The following KIAA0232 variants were observed in gnomAD, a reference collection of about 807,000 sequenced individuals.
KIAA0232 encodes uncharacterized protein KIAA0232.
In KIAA0232, 27 loss-of-function variants were observed where a neutral mutation model predicts 122.0. The ratio of observed to expected loss-of-function variants is 0.22; its 90% confidence interval spans 0.16 to 0.31. The LOEUF (loss-of-function observed/expected upper bound fraction) is 0.31, where lower values mean the gene tolerates loss of function less well. KIAA0232 is among the 10% of genes least tolerant of loss of function. The pLI, the probability that KIAA0232 is intolerant of heterozygous loss-of-function variation, is 1.00. For synonymous variants in KIAA0232, 613 were observed against 587.6 expected (o/e 1.04, Z -0.63); for missense variants, 1,551 against 1,634.2 (o/e 0.95, Z 0.88).
chr4:6,870,986 C>T (rs16839417), intron 7 of KIAA0232, among the ~76,000 whole-genome samples: 2,994 of 152,190 alleles, frequency 0.02, 111 homozygotes, highest in African/African-American at 0.069. Flanking sequence ...TGCTTGGGAG[C>T]GTTTTTATTA....
intron 3 of KIAA0232, among the ~76,000 whole-genome samples, chr4:6,827,866 A>C (rs989990665): frequency 1.3e-5 from 2 of 152,146 alleles, no homozygotes; most frequent in African/African-American, 4.8e-5. Context: ...TATTTCCATA[A>C]ATGTTTCTTC....
chr4:6,873,051 G>A (rs1472290403), intron 8 of KIAA0232, among the ~76,000 whole-genome samples: 1 of 152,200 alleles, frequency 6.6e-6, no homozygotes, highest in Non-Finnish European at 1.5e-5. Context: ...AGCGTTTATT[G>A]AAGGCCCGTT....
At chr4:6,826,244 T>G (rs750091775) in intron 3 of KIAA0232, among the ~76,000 whole-genome samples, 3 of 152,214 alleles carry the variant, frequency 2.0e-5, no homozygotes, top group Admixed American at 1.3e-4. Context: ...TGGCATTAGG[T>G]CAAGTAAGGT....
Position 6,861,567 on chromosome 4 carries a change from G to A in KIAA0232, c.1185G>A (p.Glu395=), listed in dbSNP as rs767865528. 36 of 1,613,944 alleles carry A rather than the reference G, an allele frequency of 2.2e-5. No homozygotes were observed. The highest frequency in any genetic ancestry group is 2.7e-5 in the Non-Finnish European group (32 of 1,180,044). The change falls in exon 7 of 10, where the codon GAG becomes GAA. Residue 395 remains glutamate, a synonymous_variant. Coordinates refer to ENST00000307659, the MANE Select transcript of KIAA0232 (RefSeq NM_014743.3). ...ACATGGAGAATAGAAAGGACACAGA[G>A]TATAAAGAGGAGCCCTTGTGGTACA... The part of the protein sequence containing the change: ...DLYMENRKDT[E]YKEEPLWYTE...
chr4:6,871,727 T>G (rs767105109), intron 8 of KIAA0232, 45 bp downstream of exon 8: 1 of 1,157,828 alleles, frequency 8.6e-7, no homozygotes, highest in Non-Finnish European at 1.3e-6. Flanking sequence ...CAATTTGTAA[T>G]TTGTTAAGAG....
At chr4:6,789,381 C>T (rs1434287464) in intron 1 of KIAA0232, among the ~76,000 whole-genome samples, 1 of 150,904 alleles carries the variant, frequency 6.6e-6, no homozygotes, top group East Asian at 1.9e-4. Context: ...TCAAGTGATT[C>T]TCCTGCCTCA....
chr4:6,820,533 C>T (rs1049388925), intron 2 of KIAA0232, among the ~76,000 whole-genome samples: 2 of 152,052 alleles, frequency 1.3e-5, no homozygotes. Context: ...TAGAATTTGT[C>T]TTCAAATGAT....
rs1720520498 is a variant in KIAA0232, at chr4:6,855,431, A to C, written c.370-1733A>C. 6.6e-6 allele frequency among the ~76,000 whole-genome samples: 1 copy of C among 152,160 alleles called. No homozygotes were observed. Among genetic ancestry groups the C allele is most frequent in the South Asian group, 2.1e-4 (1 of 4,830 alleles). On this transcript the variant is annotated intron_variant, in intron 4 of 9. Coordinates refer to ENST00000307659, the MANE Select transcript of KIAA0232 (RefSeq NM_014743.3). This position sits in a 1 kb window ranked among gnomAD's most constrained non-coding sequence, Gnocchi z 4.3. ...ATAAGATGCTACAGGTAGTCAAGAA[A>C]AGAACAGAAAAACCTGGTTGGTAGA...
At chr4:6,783,898 T>G (rs1716487849) in intron 1 of KIAA0232, among the ~76,000 whole-genome samples, 1 of 152,170 alleles carries the variant, frequency 6.6e-6, no homozygotes, top group Non-Finnish European at 1.5e-5. Context: ...GCTCTCTGCT[T>G]CTTCCCGCTG....
rs376360815 is a variant in KIAA0232, at chr4:6,818,573, C to T, written c.-269-5612C>T. ...AGAAGGACGATAAAATCATGGATAA[C>T]ACAAACTAATGGAAAAATATTTCAT... On this transcript the variant is annotated intron_variant, in intron 2 of 9. Transcript: ENST00000307659. Among the ~76,000 whole-genome samples the T allele has an allele frequency of 7.2e-5, 11 of 151,938 alleles. No individual in the cohort carries two copies. In the South Asian group the frequency reaches 1.0e-3, roughly 14 times the overall value.
At chr4:6,878,117 G>C (rs1252654648) in intron 9 of KIAA0232, among the ~76,000 whole-genome samples, 1 of 152,190 alleles carries the variant, frequency 6.6e-6, no homozygotes, top group African/African-American at 2.4e-5. Context: ...GCTCACGCTT[G>C]TAATCCCATC....
intron 2 of KIAA0232, among the ~76,000 whole-genome samples, chr4:6,820,929 A>T (rs911697946): frequency 6.6e-6 from 1 of 152,208 alleles, no homozygotes; most frequent in Non-Finnish European, 1.5e-5. Context: ...AAAGCATCAC[A>T]TGATGGGGAG....
chr4:6,824,930 A>G (rs1191992500), intron 3 of KIAA0232, among the ~76,000 whole-genome samples: 3 of 152,222 alleles, frequency 2.0e-5, no homozygotes, highest in Non-Finnish European at 4.4e-5. Context: ...GTTTTGGCAT[A>G]GACTCCAGAT....
chr4:6,808,477 C>T (rs1198903384), intron 2 of KIAA0232, among the ~76,000 whole-genome samples: 1 of 147,198 alleles, frequency 6.8e-6, no homozygotes, highest in Non-Finnish European at 1.5e-5. Context: ...AAGTACCATA[C>T]TAGATCAAAG....
chr4:6,879,067 A>G (rs1223642604), intron 9 of KIAA0232, among the ~76,000 whole-genome samples: 2 of 151,970 alleles, frequency 1.3e-5, no homozygotes, highest in East Asian at 3.9e-4. Context: ...GCCACTTCGC[A>G]TCTCCCACTT....
In KIAA0232 at chr4:6,861,207, C is replaced by A; in HGVS notation, c.825C>A (p.Ile275=). Residue 275 remains isoleucine (I), a synonymous_variant, in exon 7 of 10, where the codon ATC becomes ATA. Coordinates refer to ENST00000307659, the MANE Select transcript of KIAA0232 (RefSeq NM_014743.3). ...EEKPALYKKQ[I]RHKPEGKIRP... is the part of the protein sequence containing the mutation. Reference sequence around the variant, plus strand: ...AGCCTGCTTTGTACAAAAAGCAAATCCGACATAAACCTGAAGGAAAGATTC... The same window carrying A: ...AGCCTGCTTTGTACAAAAAGCAAATACGACATAAACCTGAAGGAAAGATTC... 1 of 1,614,108 alleles carries A rather than the reference C, an allele frequency of 6.2e-7. No individual in the cohort carries two copies. The highest frequency in any genetic ancestry group is 1.1e-5 in the South Asian group (1 of 91,078).
At chr4:6,783,353 C>T (rs1366506935) in intron 1 of KIAA0232, among the ~76,000 whole-genome samples, 3 of 152,186 alleles carry the variant, frequency 2.0e-5, no homozygotes, top group Non-Finnish European at 2.9e-5. Flanking sequence ...AATGGGTTGC[C>T]GTTGGCTGCC....
chr4:6,839,376 C>G (rs1418621074), intron 3 of KIAA0232, among the ~76,000 whole-genome samples: 1 of 152,114 alleles, frequency 6.6e-6, no homozygotes, highest in Non-Finnish European at 1.5e-5. Flanking sequence ...CTATACTTCC[C>G]AAGACACCAT....
rs780391618 is a variant in KIAA0232, at chr4:6,824,669, C to T, written c.216C>T (p.Tyr72=). The change falls in exon 3 of 10, where the codon TAC becomes TAT. Residue 72 remains tyrosine (Y), a synonymous_variant. Coordinates refer to ENST00000307659, the MANE Select transcript of KIAA0232 (RefSeq NM_014743.3). ...TTCTGCTGCATGACAGCTATGACTA[C>T]GACCTGCAGGAACAGGTATTTACAT... ...LSLLLHDSYD[Y]DLQEQENDIF... The T allele has an allele frequency of 4.7e-5, 76 of 1,613,666 alleles. No individual in the cohort carries two copies. In the African/African-American group the frequency reaches 7.5e-4, roughly 16 times the overall value.
Sources: gnomAD v4.1 joint callset for allele counts (sites outside exome capture counted in the v4.1 genomes callset) on GRCh38, gnomAD v4.1.1 for gene constraint, Gnocchi (gnomAD v3.1) non-coding constraint, MANE v1.5 for transcripts, NCBI Gene and HGNC (gene_info 2026-07-23, HGNC 2026-07-21) for gene names.